The following SEMA5A variants were observed in gnomAD, a reference collection of about 807,000 sequenced individuals.
SEMA5A encodes semaphorin 5A, also known as semaphorin-5A.
A neutral mutation model predicts 135.5 loss-of-function variants in SEMA5A; 55 were observed. That is an observed-to-expected ratio of 0.41 (90% confidence interval 0.33 to 0.51). The LOEUF (loss-of-function observed/expected upper bound fraction) is 0.51. SEMA5A is among the 20% of genes least tolerant of loss of function. SEMA5A has a pLI of 0.37. For synonymous variants in SEMA5A, 580 were observed against 546.5 expected, an observed-to-expected ratio of 1.06 and a Z score of -0.85; for missense variants, 1,290 against 1,419.9, an observed-to-expected ratio of 0.91 and a Z score of 1.47.
chr5:9,105,272 T>G (rs370064177), intron 16 of SEMA5A, among the ~76,000 whole-genome samples: 5 of 152,334 alleles, frequency 3.3e-5, no homozygotes, highest in African/African-American at 1.2e-4. Context: ...AAAGGCTTGG[T>G]GACTTAGTCT....
chr5:9,385,106 G>T (rs999419009), intron 2 of SEMA5A, among the ~76,000 whole-genome samples: 3 of 152,102 alleles, frequency 2.0e-5, no homozygotes, highest in Non-Finnish European at 2.9e-5. Context: ...AGCATTTTTG[G>T]TGCGTCTACT....
At chr5:9,269,818 C>T (rs868417904) in intron 5 of SEMA5A, among the ~76,000 whole-genome samples, 1 of 152,082 alleles carries the variant, frequency 6.6e-6, no homozygotes, top group Non-Finnish European at 1.5e-5. Context: ...TTCTAACACT[C>T]ACTTCTGAGT....
At chr5:9,332,207 G>T (rs903681624) in intron 4 of SEMA5A, among the ~76,000 whole-genome samples, 1 of 151,836 alleles carries the variant, frequency 6.6e-6, no homozygotes, top group Admixed American at 6.6e-5. Context: ...ATGCAGCTCT[G>T]GGCTGGTACT....
chr5:9,219,610 A>G (rs2150404106), intron 8 of SEMA5A, among the ~76,000 whole-genome samples: 1 of 152,300 alleles, frequency 6.6e-6, no homozygotes, highest in East Asian at 1.9e-4. Context: ...CATGTTTAGA[A>G]GATATAGGGA....
intron 1 of SEMA5A, among the ~76,000 whole-genome samples, chr5:9,473,126 T>TAA (rs1579597803): frequency 2.0e-5 from 1 of 49,854 alleles, no homozygotes; most frequent in South Asian, 5.4e-4. Context: ...AAATAAAATA[T>TAA]ATATATATAT....
intron 5 of SEMA5A, among the ~76,000 whole-genome samples, chr5:9,306,137 T>C (rs1261019990): frequency 6.6e-6 from 1 of 152,224 alleles, no homozygotes; most frequent in African/African-American, 2.4e-5. Flanking sequence ...GGTTATCTAT[T>C]GTATTTGAGG....
chr5:9,380,102 C>T, intron 2 of SEMA5A, 79 bp from the exon 3 acceptor site: 1 of 927,418 alleles, frequency 1.1e-6, no homozygotes, highest in Non-Finnish European at 1.6e-6. Flanking sequence ...AACTTCCTCA[C>T]TAACTTTAAG....
intron 18 of SEMA5A, among the ~76,000 whole-genome samples, chr5:9,060,543 C>T (rs951494866): frequency 6.6e-6 from 1 of 152,074 alleles, no homozygotes; most frequent in Admixed American, 6.5e-5. Flanking sequence ...TCTCAGCCCC[C>T]AGAGGAGGAC....
chr5:9,496,772 C>A (rs1401640670), intron 1 of SEMA5A, among the ~76,000 whole-genome samples: 1 of 152,090 alleles, frequency 6.6e-6, no homozygotes, highest in Admixed American at 6.6e-5. Flanking sequence ...GGCTGGGTCT[C>A]CAAAGGGACT....
intron 2 of SEMA5A, among the ~76,000 whole-genome samples, chr5:9,435,107 A>T (rs1757985186): frequency 3.3e-5 from 5 of 152,172 alleles, no homozygotes; most frequent in Admixed American, 3.3e-4. Context: ...TTCATCATTT[A>T]ACTATGTCAA....
At chr5:9,410,496 CT>C (rs1757065934) in intron 2 of SEMA5A, among the ~76,000 whole-genome samples, 1 of 152,114 alleles carries the variant, frequency 6.6e-6, no homozygotes, top group Non-Finnish European at 1.5e-5. Flanking sequence ...TCAGGCTACT[CT>C]TTTCACAGAT....
chr5:9,142,314 A>G (rs565930796), intron 12 of SEMA5A, among the ~76,000 whole-genome samples: 3 of 152,264 alleles, frequency 2.0e-5, no homozygotes, highest in Non-Finnish European at 4.4e-5. Context: ...TTGCAGAGAG[A>G]TCAGCTTGGG....
In SEMA5A at chr5:9,113,910, A is replaced by G. The variant is rs141149797; in HGVS notation, c.1925+5088T>C. Among the ~76,000 whole-genome samples the G allele has an allele frequency of 3.0e-4, 46 of 152,376 alleles. No individual in the cohort carries two copies. In the Middle Eastern group the frequency reaches 0.014, roughly 45 times the overall value. On this transcript the variant is annotated intron_variant, in intron 15 of 22. Coordinates refer to ENST00000382496, the MANE Select transcript of SEMA5A (RefSeq NM_003966.3). ...GGTGTTTCCTCAAAAAGATAAACAT[A>G]GAATTAACATCCAATGCAGCAATTT...
intron 12 of SEMA5A, among the ~76,000 whole-genome samples, chr5:9,138,252 C>T (rs1311734653): frequency 6.6e-6 from 1 of 152,138 alleles, no homozygotes; most frequent in East Asian, 1.9e-4. Context: ...AAGGGGAAAG[C>T]CTATTTCCCT....
intron 1 of SEMA5A, among the ~76,000 whole-genome samples, chr5:9,541,338 G>A (rs1323086259): frequency 1.3e-5 from 2 of 152,082 alleles, no homozygotes; most frequent in East Asian, 1.9e-4. Context: ...CATTTTTCCA[G>A]TGTATACTTC....
intron 16 of SEMA5A, among the ~76,000 whole-genome samples, chr5:9,080,384 A>T (rs529211226): frequency 6.6e-6 from 1 of 152,212 alleles, no homozygotes; most frequent in East Asian, 1.9e-4. Context: ...AACATCACAC[A>T]GGGGAGCCGG....
chr5:9,197,478 G>A (rs115101947), intron 9 of SEMA5A, among the ~76,000 whole-genome samples, 175 bp from the exon 10 acceptor site: 1 of 152,176 alleles, frequency 6.6e-6, no homozygotes, highest in African/African-American at 2.4e-5. Context: ...CCCTGTGGAG[G>A]AACAAACATC....
At chr5:9,496,334 C>T (rs190154025) in intron 1 of SEMA5A, among the ~76,000 whole-genome samples, 120 of 152,266 alleles carry the variant, frequency 7.9e-4, no homozygotes, top group African/African-American at 2.6e-3. Context: ...CAAGAGCCAC[C>T]ATGCCCAGCC....
At chr5:9,156,380 G>T (rs530169217) in intron 11 of SEMA5A, among the ~76,000 whole-genome samples, 3 of 152,302 alleles carry the variant, frequency 2.0e-5, no homozygotes, top group African/African-American at 4.8e-5. Flanking sequence ...CTTCAGGGAA[G>T]GTGACATCAG....
Sources: gnomAD v4.1 joint callset for allele counts (sites outside exome capture counted in the v4.1 genomes callset) on GRCh38, gnomAD v4.1.1 for gene constraint, MANE v1.5 for transcripts, NCBI Gene and HGNC (gene_info 2026-07-23, HGNC 2026-07-21) for gene names.